Variants in OSTN observed in about 807,000 individuals in gnomAD.
OSTN encodes the protein osteocrin.
A neutral mutation model predicts 12.0 loss-of-function variants in OSTN; 9 were observed. That is an observed-to-expected ratio of 0.75 (90% CI 0.45 to 1.30). The LOEUF (loss-of-function observed/expected upper bound fraction) is 1.30, where lower values mean the gene tolerates loss of function less well. OSTN is among the 50% of genes most tolerant of loss of function. The pLI is 0.00. For missense variants in OSTN, 148 were observed against 152.3 expected (o/e 0.97, Z 0.15); for synonymous variants, 59 against 56.9 (o/e 1.04, Z -0.16).
chr3:191,250,535 C>T (rs145627409), intron 4 of OSTN, among the ~76,000 whole-genome samples: 98 of 152,170 alleles, frequency 6.4e-4, no homozygotes, highest in African/African-American at 2.2e-3. Flanking sequence ...TCAATAAGTA[C>T]GTTATTAGAA....
Position 191,218,771 on chromosome 3 carries a change from G to T in OSTN, c.127G>T (p.Val43Leu), listed in dbSNP as rs1714687899. The change falls in exon 3 of 5, where the codon GTG (valine) becomes TTG (leucine). Residue 43 changes from valine (V) to leucine (L), a missense_variant. Val to Leu is a conservative substitution (Grantham distance 32). Transcript: ENST00000682035. ...GGCCTTTGATTCTGGAGTCATAGATGTGCAGTCAACACCCACAGTCAGGGA... is the reference window on the plus strand; with the variant it reads ...GGCCTTTGATTCTGGAGTCATAGATTTGCAGTCAACACCCACAGTCAGGGA... ...TEAFDSGVIDVQSTPTVREEK... is the reference protein window; with the variant it reads ...TEAFDSGVIDLQSTPTVREEK... 1 of 1,613,900 alleles carries T rather than the reference G, an allele frequency of 6.2e-7. No homozygotes were observed. The highest frequency in any genetic ancestry group is 1.7e-5 in the Admixed American group (1 of 59,986).
At chr3:191,249,658 C>T (rs1715513309) in intron 3 of OSTN, among the ~76,000 whole-genome samples, 1 of 152,134 alleles carries the variant, frequency 6.6e-6, no homozygotes, top group African/African-American at 2.4e-5. Flanking sequence ...TGAAAAACTA[C>T]TTATCCAGTT....
At chr3:191,202,330 G>A (rs574821855) in intron 1 of OSTN, among the ~76,000 whole-genome samples, 1 of 152,206 alleles carries the variant, frequency 6.6e-6, no homozygotes, top group East Asian at 1.9e-4. Context: ...GAAAGGATCT[G>A]CTCTTGCAGA....
At chr3:191,201,725 TA>T (rs1190801304) in intron 1 of OSTN, among the ~76,000 whole-genome samples, 1 of 152,188 alleles carries the variant, frequency 6.6e-6, no homozygotes, top group East Asian at 1.9e-4. Context: ...TTTCTTACTA[TA>T]TTTTCTATCA....
intron 1 of OSTN, among the ~76,000 whole-genome samples, chr3:191,210,704 G>A (rs1015927431): frequency 6.6e-6 from 1 of 152,108 alleles, no homozygotes; most frequent in Non-Finnish European, 1.5e-5. Flanking sequence ...CCCCCAGCAG[G>A]TTTTCCAAAT....
At chr3:191,224,212 T>C (rs1299912661) in intron 3 of OSTN, among the ~76,000 whole-genome samples, 1 of 151,860 alleles carries the variant, frequency 6.6e-6, no homozygotes, top group African/African-American at 2.4e-5. Context: ...ACCCCGTCTC[T>C]ACTAAGAATA....
intron 3 of OSTN, among the ~76,000 whole-genome samples, chr3:191,233,590 A>G (rs1715114035): frequency 6.6e-6 from 1 of 151,942 alleles, no homozygotes. Context: ...ATCTCAAGTG[A>G]TCTGCCTGCC....
intron 3 of OSTN, among the ~76,000 whole-genome samples, chr3:191,248,616 A>G (rs571446063): frequency 1.3e-5 from 2 of 152,328 alleles, no homozygotes; most frequent in South Asian, 4.1e-4. Context: ...TACATCACTG[A>G]GCTTTTCAAG....
At chr3:191,212,904 T>G (rs1297118902) in intron 2 of OSTN, among the ~76,000 whole-genome samples, 2 of 123,792 alleles carry the variant, frequency 1.6e-5, no homozygotes, top group Admixed American at 2.1e-4. Context: ...AGAGTCTCAC[T>G]CTGTCGCCCA....
At chr3:191,200,766 A>G (rs986757673) in intron 1 of OSTN, among the ~76,000 whole-genome samples, 3 of 152,326 alleles carry the variant, frequency 2.0e-5, no homozygotes, top group Admixed American at 2.0e-4. Flanking sequence ...ACAGAAGTTT[A>G]GGACTAATCT....
intron 2 of OSTN, among the ~76,000 whole-genome samples, chr3:191,214,321 G>A (rs1348463624): frequency 1.7e-4 from 25 of 151,340 alleles, no homozygotes; most frequent in African/African-American, 5.3e-4. Context: ...AGTGGTGGGC[G>A]CCTGTAGTCC....
rs773788112 is a variant in OSTN, at chr3:191,212,624, C to T, written c.92C>T (p.Thr31Ile). 2 of 1,542,232 alleles carry T rather than the reference C, an allele frequency of 1.3e-6. No individual in the cohort carries two copies. The highest frequency in any genetic ancestry group is 1.8e-6 in the Non-Finnish European group (2 of 1,134,014). ...SSGKVLSVDV[T>I]TTEAFDSGVI... ...GGAAAAGTCCTCTCAGTAGATGTAA[C>T]AACAACAGAGGTAATGGAAACTAGC... is the stretch of plus-strand genomic sequence containing the variant. The change falls in exon 2 of 5, where the codon ACA becomes ATA. Residue 31 changes from threonine (T) to isoleucine (I), a missense_variant. Transcript: ENST00000682035.
chr3:191,228,103 T>C (rs1445997883), intron 3 of OSTN, among the ~76,000 whole-genome samples: 2 of 152,200 alleles, frequency 1.3e-5, no homozygotes, highest in African/African-American at 2.4e-5. Context: ...TGGTTTGTAA[T>C]TGATGATCTT....
intron 1 of OSTN, among the ~76,000 whole-genome samples, chr3:191,208,315 T>G (rs956432090): frequency 1.3e-5 from 2 of 152,216 alleles, no homozygotes; most frequent in African/African-American, 4.8e-5. Context: ...CTTAGACTTT[T>G]CCTTTCCTCC....
At chr3:191,208,033 C>T (rs981868559) in intron 1 of OSTN, among the ~76,000 whole-genome samples, 4 of 152,152 alleles carry the variant, frequency 2.6e-5, no homozygotes, top group African/African-American at 7.2e-5. Flanking sequence ...AAATGAAGGA[C>T]GTACACAGAT....
intron 1 of OSTN, among the ~76,000 whole-genome samples, chr3:191,204,450 A>G (rs1714223880): frequency 6.6e-6 from 1 of 152,216 alleles, no homozygotes. Context: ...CTCTTGGGTG[A>G]AAATCCTCAA....
At chr3:191,260,092 C>A (rs573549388) in intron 4 of OSTN, among the ~76,000 whole-genome samples, 1 of 151,636 alleles carries the variant, frequency 6.6e-6, no homozygotes, top group Non-Finnish European at 1.5e-5. Context: ...CCTCATGATC[C>A]GCCACCTCAC....
At chr3:191,220,913 CAT>C (rs1325634290) in intron 3 of OSTN, among the ~76,000 whole-genome samples, 1 of 151,928 alleles carries the variant, frequency 6.6e-6, no homozygotes, top group African/African-American at 2.4e-5. Context: ...AACTTCACCA[CAT>C]GATATGGTTT....
chr3:191,239,091 G>A (rs775940709), intron 3 of OSTN, among the ~76,000 whole-genome samples: 20 of 152,026 alleles, frequency 1.3e-4, no homozygotes, highest in Admixed American at 2.0e-4. Context: ...CCAGGTTCTC[G>A]GCGTCTTGAA....
Sources: gnomAD v4.1 joint callset for allele counts (sites outside exome capture counted in the v4.1 genomes callset) on GRCh38, gnomAD v4.1.1 for gene constraint, MANE v1.5 for transcripts, NCBI Gene and HGNC (gene_info 2026-07-23, HGNC 2026-07-21) for gene names.